CLPTM1L: variants seen among roughly 807,000 people sequenced by gnomAD.
CLPTM1L encodes CLPTM1 like.
CLPTM1L carries 38 observed loss-of-function variants against 70.9 expected under a neutral mutation model. That is an observed-to-expected ratio of 0.54 (90% CI 0.41 to 0.70). CLPTM1L has a LOEUF of 0.70. Ranked by LOEUF, CLPTM1L falls within the 30% of genes least tolerant of loss-of-function variation. CLPTM1L has a pLI of 0.00. For missense variants in CLPTM1L, 652 were observed against 705.9 expected (o/e 0.92, Z 0.87); for synonymous variants, 339 against 299.9 (o/e 1.13, Z -1.35).
At chr5:1,324,123 G>A (rs1367437909) in intron 11 of CLPTM1L, 7 of 530,296 alleles carry the variant, frequency 1.3e-5, no homozygotes, top group Admixed American at 3.3e-5. Flanking sequence ...ATCAATTCTG[G>A]TTGGTCAAAA....
intron 3 of CLPTM1L, 127 bp downstream of exon 3, chr5:1,341,544 A>G (rs1753935119): frequency 1.4e-6 from 1 of 717,426 alleles, no homozygotes; most frequent in Admixed American, 2.8e-5. Context: ...TAACATTCCA[A>G]TGGCTTTTGG....
intron 12 of CLPTM1L, among the ~76,000 whole-genome samples, chr5:1,323,511 G>A (rs1407904742): frequency 6.6e-6 from 1 of 152,120 alleles, no homozygotes; most frequent in African/African-American, 2.4e-5. Context: ...CACACGGGCA[G>A]CAGAGGCCAG....
chr5:1,334,373 C>T lies in CLPTM1L; in HGVS notation c.807G>A (p.Glu269=), dbSNP rs202176072. ...VYSLQQFGFS[E]KDADEVKGIF... is the part of the protein sequence containing the mutation. ...TTCCTTTCACCTCATCAGCATCTTT[C>T]TCTGAAAACCCTGTCAAGGAAAAAA... is the stretch of plus-strand genomic sequence containing the variant. The change falls in exon 7 of 17, where the codon GAG becomes GAA. Residue 269 remains glutamate (E), a synonymous_variant. Transcript: ENST00000320895. The T allele has an allele frequency of 3.8e-6, 6 of 1,593,760 alleles. No homozygotes were observed. Among genetic ancestry groups the T allele is most frequent in the African/African-American group, 1.4e-5 (1 of 72,204 alleles).
chr5:1,326,194 C>A, intron 9 of CLPTM1L: 1 of 274,042 alleles, frequency 3.6e-6, no homozygotes. Flanking sequence ...TGGCTAAATG[C>A]TTGGAAGGCA....
rs1579650443 is a variant in CLPTM1L at position 1,337,771 on chromosome 5, T to C, written c.678+133A>G. 9.2e-6 allele frequency: 7 copies of C among 758,868 alleles called. No homozygotes were observed. In the East Asian group the frequency reaches 1.6e-4, roughly 18 times the overall value. 47.0% of individuals were successfully genotyped at this position (758,868 alleles called of 1,614,324 possible). ...ACCCTCGCACACTCGAAGGCAGTGC[T>C]TCCCAGCACGGGTAAAAGCACCGTG... On this transcript the variant is annotated intron_variant, in intron 5 of 16. Coordinates refer to ENST00000320895, the MANE Select transcript of CLPTM1L (RefSeq NM_030782.5).
At chr5:1,339,076 C>A in intron 3 of CLPTM1L, 71 bp from the exon 4 acceptor site, 2 of 1,536,642 alleles carry the variant, frequency 1.3e-6, no homozygotes, top group South Asian at 1.2e-5. Context: ...GGTCAGCCCC[C>A]TAACCTGCGA....
At position 1,321,257 on chromosome 5, in the gene CLPTM1L, C is replaced by T. The variant is rs555753945; in HGVS notation, c.1416+378G>A. On this transcript the variant is annotated intron_variant, in intron 15 of 16. Transcript: ENST00000320895. ...AAGGGGGCCTCCACAGCTCTGCCAG[C>T]GGGGAATGGCCACGGCCCATGGGGG... 8.5e-5 allele frequency among the ~76,000 whole-genome samples: 13 copies of T among 152,382 alleles called. No homozygotes were observed. In the East Asian group the frequency reaches 1.3e-3, roughly 16 times the overall value.
At chr5:1,340,333 G>A (rs1363026815) in intron 3 of CLPTM1L, among the ~76,000 whole-genome samples, 1 of 152,178 alleles carries the variant, frequency 6.6e-6, no homozygotes, top group Non-Finnish European at 1.5e-5. Context: ...GAGACATACT[G>A]AGGATTACAC....
At chr5:1,337,298 G>C (rs1753636651) in intron 5 of CLPTM1L, among the ~76,000 whole-genome samples, 1 of 152,240 alleles carries the variant, frequency 6.6e-6, no homozygotes. Flanking sequence ...CTCAATACTG[G>C]CCAAAGGTTG....
Position 1,322,881 on chromosome 5 carries a change from G to A in CLPTM1L, c.1311C>T (p.Val437=). The part of the protein sequence containing the change: ...SWYSWLINSF[V]NGVYAFGFLF... ...CAGGGAAGCACATGGACTCACCGTTGACGAAGCTGTTGATTAACCAGGAGT... is the reference window on the plus strand; with the variant it reads ...CAGGGAAGCACATGGACTCACCGTTAACGAAGCTGTTGATTAACCAGGAGT... The change falls in exon 13 of 17, where the codon GTC becomes GTT. Residue 437 remains valine (V), a synonymous_variant. Coordinates refer to ENST00000320895, the MANE Select transcript of CLPTM1L (RefSeq NM_030782.5). The A allele has an allele frequency of 6.2e-7, 1 of 1,613,998 alleles. No homozygotes were observed. Among genetic ancestry groups the A allele is most frequent in the Non-Finnish European group, 8.5e-7 (1 of 1,179,894 alleles).
chr5:1,342,009 CGTGTGTGTGT>C lies in CLPTM1L; in HGVS notation c.264-159_264-150del, dbSNP rs71598674. On this transcript the variant is annotated intron_variant, in intron 2 of 16. Coordinates refer to ENST00000320895, the MANE Select transcript of CLPTM1L (RefSeq NM_030782.5). The surrounding 1 kb of genome is among the most constrained non-coding windows in gnomAD (Gnocchi z 4.3). ...CCCACCTGCCCAGGGCTTTACGAGT[CGTGTGTGTGT>C]GTGTGTGTGTGTGTGTGTGTGCACG... The C allele has an allele frequency of 5.2e-5, 26 of 503,130 alleles. No homozygotes were observed. The highest frequency in any genetic ancestry group is 2.6e-4 in the East Asian group (8 of 31,194). The allele number at this position is 503,130 out of a possible 1,614,324, so 31.2% of individuals were successfully genotyped here. A position where few individuals can be genotyped will look rare whatever the true frequency, so the allele number is the denominator to read the frequency against.
intron 7 of CLPTM1L, among the ~76,000 whole-genome samples, chr5:1,333,084 A>C (rs1753230838): frequency 9.5e-5 from 10 of 104,964 alleles, no homozygotes; most frequent in African/African-American, 4.2e-4. Context: ...TACTGTATAC[A>C]CACCGGATGA....
At chr5:1,325,239 G>A (rs1324858952) in intron 10 of CLPTM1L, 1 of 255,468 alleles carries the variant, frequency 3.9e-6, no homozygotes, top group East Asian at 8.7e-5. Context: ...GAAAATCTCA[G>A]CCTGTGACTG....
At position 1,318,578 on chromosome 5, in the gene CLPTM1L, TCG is replaced by T; in HGVS notation, c.1533-127_1533-126del. 1.3e-6 allele frequency: 1 copy of T among 760,540 alleles called. No homozygotes were observed. 47.1% of individuals were successfully genotyped at this position (760,540 alleles called of 1,614,324 possible). ...CACAGTGAGCAAATTAACTAAAAAG[TCG>T]AATCCTCAGAAGTTTTACTGCCGAG... On this transcript the variant is annotated intron_variant, in intron 16 of 16. Coordinates refer to ENST00000320895, the MANE Select transcript of CLPTM1L (RefSeq NM_030782.5). This position sits in a 1 kb window ranked among gnomAD's most constrained non-coding sequence, Gnocchi z 8.9.
chr5:1,334,219 C>T (rs184381833), intron 7 of CLPTM1L, 70 bp downstream of exon 7: 3 of 1,132,236 alleles, frequency 2.6e-6, no homozygotes, highest in Non-Finnish European at 2.7e-6. Context: ...GGTCCAGGAC[C>T]CCTGCAGGAG....
At chr5:1,333,228 A>G (rs1753258230) in intron 7 of CLPTM1L, among the ~76,000 whole-genome samples, 1 of 53,362 alleles carries the variant, frequency 1.9e-5, no homozygotes, top group Non-Finnish European at 3.4e-5. Context: ...ACACCGGATA[A>G]GGGGGGACTA....
rs866850050 is a variant in CLPTM1L, at chr5:1,328,586, A to G, written c.1080+1694T>C. On this transcript the variant is annotated intron_variant, in intron 9 of 16. Transcript: ENST00000320895. ...ACATTTCATCCAGCTCCTCCTCTAC[A>G]GACAGATTTCATCCAGCTCCTCCTC... Among the ~76,000 whole-genome samples the G allele has an allele frequency of 7.0e-4, 105 of 149,748 alleles. 2 individuals are homozygous for G. The highest frequency in any genetic ancestry group is 1.6e-3 in the African/African-American group (65 of 40,328).
Position 1,342,387 on chromosome 5 carries a change from A to G in CLPTM1L, c.264-527T>C, listed in dbSNP as rs1754006841. Among the ~76,000 whole-genome samples, 1 of 152,184 alleles carries G rather than the reference A, an allele frequency of 6.6e-6. No individual in the cohort carries two copies. Among genetic ancestry groups the G allele is most frequent in the Admixed American group, 6.5e-5 (1 of 15,280 alleles). Reference sequence around the variant, plus strand: ...AGGATAAAAAGATGATCAGCCACAAAGGACTGACTTTCAAGGCTGTCAGTC... The same window carrying G: ...AGGATAAAAAGATGATCAGCCACAAGGGACTGACTTTCAAGGCTGTCAGTC... On this transcript the variant is annotated intron_variant, in intron 2 of 16. Coordinates refer to ENST00000320895, the MANE Select transcript of CLPTM1L (RefSeq NM_030782.5). This position sits in a 1 kb window ranked among gnomAD's most constrained non-coding sequence, Gnocchi z 4.3.
chr5:1,323,854 A>T lies in CLPTM1L; in HGVS notation c.1213T>A (p.Ser405Thr). 6.2e-7 allele frequency: 1 copy of T among 1,613,564 alleles called. No individual in the cohort carries two copies. Among genetic ancestry groups the T allele is most frequent in the Non-Finnish European group, 8.5e-7 (1 of 1,179,786 alleles). Reference sequence around the variant, plus strand: ...ACACAGAGAGGGTACAGCAGGTATGACAAGTACTTCATGGCCTGCAGGGAA... The same window carrying T: ...ACACAGAGAGGGTACAGCAGGTATGTCAAGTACTTCATGGCCTGCAGGGAA... ...EYDTQAMKYL[S>T]YLLYPLCVGG... The change falls in exon 12 of 17, where the codon TCA becomes ACA. Residue 405 changes from serine to threonine, a missense_variant. This residue lies in a region of CLPTM1L where 240 missense variants were observed against 295.0 expected (regional missense o/e 0.81). Coordinates refer to ENST00000320895, the MANE Select transcript of CLPTM1L (RefSeq NM_030782.5).
Sources: allele counts gnomAD v4.1 joint callset (sites outside exome capture counted in the v4.1 genomes callset), GRCh38; gene constraint gnomAD v4.1.1; regional missense constraint gnomAD v4.1.1; non-coding constraint Gnocchi (gnomAD v3.1); transcripts MANE v1.5; gene names NCBI Gene and HGNC (gene_info 2026-07-23, HGNC 2026-07-21).